Variants in ARHGAP19 observed in about 807,000 individuals in gnomAD.
ARHGAP19 encodes Rho GTPase activating protein 19, also known as rho GTPase-activating protein 19.
In ARHGAP19, 48 loss-of-function variants were observed where a neutral mutation model predicts 60.9. The ratio of observed to expected loss-of-function variants is 0.79; its 90% CI spans 0.62 to 1.00. ARHGAP19 has a LOEUF of 1.00. ARHGAP19 is among the 50% of genes least tolerant of loss of function. The pLI is 0.00. For synonymous variants in ARHGAP19, 209 were observed against 215.5 expected (o/e 0.97, Z 0.27); for missense variants, 562 against 597.2 (o/e 0.94, Z 0.61).
At chr10:97,239,577 TG>T (rs1425871337) in intron 8 of ARHGAP19, among the ~76,000 whole-genome samples, 5 of 150,124 alleles carry the variant, frequency 3.3e-5, no homozygotes, top group African/African-American at 1.2e-4. Flanking sequence ...TGTGTGTGTG[TG>T]TGTGTGTGTG....
At position 97,246,309 on chromosome 10, in the gene ARHGAP19, C is replaced by A. The variant is rs368568941; in HGVS notation, c.956G>T (p.Arg319Ile). ...AGTTCTGGATCCCAAATAGTGCAAT[C>A]TCGCACACTCCCGAATGTAAGCAGG... ...KAPAYIRECA[R>I]LHYLGSRTQA... The change falls in exon 7 of 12, where the codon AGA becomes ATA. Residue 319 changes from arginine (R) to isoleucine (I), a missense_variant. By Grantham distance (97) the Arg-to-Ile change is moderately conservative (BLOSUM62 -3). Coordinates refer to ENST00000358531, the MANE Select transcript of ARHGAP19 (RefSeq NM_032900.6). The A allele has an allele frequency of 4.3e-6, 7 of 1,613,796 alleles. No individual in the cohort carries two copies. Among genetic ancestry groups the A allele is most frequent in the Middle Eastern group, 1.6e-4 (1 of 6,084 alleles).
At chr10:97,291,833 C>A (rs910304717) in intron 1 of ARHGAP19, among the ~76,000 whole-genome samples, 1 of 151,922 alleles carries the variant, frequency 6.6e-6, no homozygotes, top group Non-Finnish European at 1.5e-5. Flanking sequence ...GGTCTCAAGG[C>A]TAAGGCAACA....
At chr10:97,274,648 C>T (rs1441933511) in intron 1 of ARHGAP19, among the ~76,000 whole-genome samples, 1 of 151,980 alleles carries the variant, frequency 6.6e-6, no homozygotes, top group Non-Finnish European at 1.5e-5. Flanking sequence ...CGTTTCATGA[C>T]AAATTTTTTT....
chr10:97,235,415 A>C (rs1851112321), intron 8 of ARHGAP19, 100 bp from the exon 9 acceptor site: 2 of 1,069,928 alleles, frequency 1.9e-6, no homozygotes, highest in African/African-American at 1.6e-5. Flanking sequence ...TCCAGGAAAA[A>C]CTGAGTCTGC....
chr10:97,241,681 C>G (rs952043676), intron 8 of ARHGAP19, among the ~76,000 whole-genome samples: 1 of 151,782 alleles, frequency 6.6e-6, no homozygotes. Context: ...CCACTGCACT[C>G]CAGCCTGGGC....
intron 1 of ARHGAP19, chr10:97,277,973 C>G (rs1326150673): frequency 6.6e-6 from 1 of 152,280 alleles, no homozygotes; most frequent in Non-Finnish European, 1.5e-5. Context: ...CCTTTCTCTT[C>G]TACAACTTCC....
chr10:97,271,247 T>C (rs1348849842), intron 1 of ARHGAP19, among the ~76,000 whole-genome samples: 1 of 151,126 alleles, frequency 6.6e-6, no homozygotes, highest in African/African-American at 2.4e-5. Flanking sequence ...GGAAGAAGAG[T>C]GGGAGAGAAA....
intron 1 of ARHGAP19, among the ~76,000 whole-genome samples, chr10:97,283,568 T>A (rs546056391): frequency 6.6e-6 from 1 of 150,936 alleles, no homozygotes; most frequent in African/African-American, 2.4e-5. Context: ...AAAAAAAAAA[T>A]TGTATTTCAA....
In ARHGAP19 at chr10:97,263,405, A is replaced by C; in HGVS notation, c.613+15T>G. 6.2e-7 allele frequency: 1 copy of C among 1,611,522 alleles called. No homozygotes were observed. Among genetic ancestry groups the C allele is most frequent in the Non-Finnish European group, 8.5e-7 (1 of 1,177,672 alleles). ...AGAAATGTATTTACATCTCCTTCTT[A>C]CTTCCTATACTCACCAGCGATTTTG... is the stretch of plus-strand genomic sequence containing the variant. On this transcript the variant is annotated intron_variant, in intron 4 of 11. Coordinates refer to ENST00000358531, the MANE Select transcript of ARHGAP19 (RefSeq NM_032900.6).
chr10:97,251,300 GA>G (rs1842650347), intron 6 of ARHGAP19, among the ~76,000 whole-genome samples: 1 of 41,934 alleles, frequency 2.4e-5, no homozygotes, highest in Non-Finnish European at 4.7e-5. Context: ...AAGGGAAGGG[GA>G]AAAGGAAGGG....
chr10:97,233,740 C>T (rs545161988), intron 9 of ARHGAP19, among the ~76,000 whole-genome samples: 22 of 151,894 alleles, frequency 1.4e-4, no homozygotes, highest in Non-Finnish European at 2.1e-4. Flanking sequence ...TGGTGGCGCA[C>T]GCCTGTAGTC....
intron 6 of ARHGAP19, among the ~76,000 whole-genome samples, chr10:97,247,672 A>C (rs1198613341): frequency 6.6e-6 from 1 of 152,056 alleles, no homozygotes; most frequent in Admixed American, 6.6e-5. Flanking sequence ...AAAGAAAGGA[A>C]GGAACAGAGG....
At chr10:97,288,548 T>C (rs1589384393) in intron 1 of ARHGAP19, among the ~76,000 whole-genome samples, 1 of 141,042 alleles carries the variant, frequency 7.1e-6, no homozygotes, top group East Asian at 2.1e-4. Flanking sequence ...GCCACTACAC[T>C]CCAGCCTGGT....
chr10:97,243,885 G>A, intron 8 of ARHGAP19, 83 bp downstream of exon 8: 2 of 1,328,278 alleles, frequency 1.5e-6, no homozygotes, highest in Non-Finnish European at 2.0e-6. Context: ...AATTAAATGA[G>A]ATTCTTAACA....
At chr10:97,241,335 T>C (rs72835312) in intron 8 of ARHGAP19, among the ~76,000 whole-genome samples, 10 of 150,956 alleles carry the variant, frequency 6.6e-5, no homozygotes, top group Non-Finnish European at 1.3e-4. Context: ...CTTAAGATCA[T>C]ATTTGAGCCC....
At chr10:97,251,935 A>T (rs1009315804) in intron 6 of ARHGAP19, among the ~76,000 whole-genome samples, 17 of 151,308 alleles carry the variant, frequency 1.1e-4, no homozygotes, top group African/African-American at 3.6e-4. Flanking sequence ...GAGAAACAAC[A>T]AGAAATTTAT....
intron 6 of ARHGAP19, among the ~76,000 whole-genome samples, chr10:97,252,608 G>A (rs1374030459): frequency 6.6e-6 from 1 of 152,014 alleles, no homozygotes; most frequent in Non-Finnish European, 1.5e-5. Flanking sequence ...TGGTGACAGA[G>A]TGAGACTCCA....
At chr10:97,257,046 G>A (rs559526533) in intron 5 of ARHGAP19, among the ~76,000 whole-genome samples, 7 of 152,122 alleles carry the variant, frequency 4.6e-5, no homozygotes, top group South Asian at 2.1e-4. Flanking sequence ...GCATGAACCC[G>A]GGAGGCAGAG....
intron 11 of ARHGAP19, 21 bp downstream of exon 11, chr10:97,229,126 G>C (rs200672097): frequency 1.3e-6 from 2 of 1,593,484 alleles, no homozygotes; most frequent in South Asian, 1.1e-5. Flanking sequence ...AGTAAGAACA[G>C]AGAGTAAGTA....
Sources: allele counts gnomAD v4.1 joint callset (sites outside exome capture counted in the v4.1 genomes callset), GRCh38; gene constraint gnomAD v4.1.1; transcripts MANE v1.5; gene names NCBI Gene and HGNC (gene_info 2026-07-23, HGNC 2026-07-21).